Variants in DGCR8 observed in about 807,000 individuals in gnomAD.
DGCR8 encodes the protein DGCR8 microprocessor complex subunit, also known as microprocessor complex subunit DGCR8.
In DGCR8, 14 loss-of-function variants were observed where a neutral mutation model predicts 78.5. The observed-to-expected ratio is 0.18, with a 90% CI of 0.12 to 0.28. The LOEUF (loss-of-function observed/expected upper bound fraction) is 0.28, where lower values mean the gene tolerates loss of function less well. DGCR8 is among the 10% of genes least tolerant of loss of function. The pLI is 1.00. For synonymous variants in DGCR8, 399 were observed against 402.4 expected (o/e 0.99, Z 0.10); for missense variants, 702 against 1,022.5 (o/e 0.69, Z 4.28).
intron 9 of DGCR8, 38 bp downstream of exon 9, chr22:20,094,833 T>C: frequency 6.3e-7 from 1 of 1,584,552 alleles, no homozygotes; most frequent in South Asian, 1.1e-5. Context: ...GAGCTGTGTG[T>C]GCAGTGCGGC....
At chr22:20,084,425 C>T (rs1166407284) in intron 1 of DGCR8, among the ~76,000 whole-genome samples, 1 of 152,212 alleles carries the variant, frequency 6.6e-6, no homozygotes, top group Non-Finnish European at 1.5e-5. Context: ...TTTCTGGCTG[C>T]CCCCTCAGAC....
In DGCR8 at chr22:20,085,997, T is replaced by C. The variant is rs2049477398; in HGVS notation, c.34T>C (p.Cys12Arg). Residue 12 changes from cysteine to arginine, a missense_variant, in exon 2 of 14, where the codon TGT becomes CGT. Physicochemically the swap from Cys to Arg is radical, Grantham distance 180. Around this residue, in one of 4 missense-constraint regions of DGCR8, gnomAD observed 356 missense variants for 448.9 expected, o/e 0.79. Transcript: ENST00000351989. This position sits in a 1 kb window ranked among gnomAD's most constrained non-coding sequence, Gnocchi z 6.2. ...ETDESPSPLP[C>R]GPAGEAVMES... ...AGATGAGAGCCCCTCTCCGCTCCCG[T>C]GTGGGCCCGCAGGAGAAGCGGTGAT... 4 of 1,608,404 alleles carry C rather than the reference T, an allele frequency of 2.5e-6. No individual in the cohort carries two copies. The highest frequency in any genetic ancestry group is 3.4e-6 in the Non-Finnish European group (4 of 1,176,664).
chr22:20,091,075 A>G (rs922344067), intron 5 of DGCR8, among the ~76,000 whole-genome samples: 9 of 152,154 alleles, frequency 5.9e-5, no homozygotes, highest in African/African-American at 2.2e-4. Flanking sequence ...AGGTGGTCAG[A>G]GAGGTGGCGG....
chr22:20,090,753 A>C (rs2049546970), intron 5 of DGCR8, among the ~76,000 whole-genome samples: 1 of 152,132 alleles, frequency 6.6e-6, no homozygotes, highest in Non-Finnish European at 1.5e-5. Context: ...CATGTCTTTT[A>C]GCCTAGTCCC....
chr22:20,101,921 T>C (rs1172490568), intron 9 of DGCR8: 34 of 985,200 alleles, frequency 3.5e-5, no homozygotes, highest in Middle Eastern at 1.0e-3. Context: ...TGAGGTGTGG[T>C]GGCCACGCGT....
At chr22:20,093,004 GATGTGGGTGGGGC>G in intron 8 of DGCR8, 97 bp downstream of exon 8, 1 of 811,116 alleles carries the variant, frequency 1.2e-6, no homozygotes, top group Non-Finnish European at 2.0e-6. Context: ...ACAAGTGGGG[GATGTGGGTGGGGC>G]ATGTTTATTT....
In DGCR8 at chr22:20,089,964, C is replaced by G. The variant is rs1396181400; in HGVS notation, c.1024-12C>G. The G allele has an allele frequency of 3.1e-6, 5 of 1,598,856 alleles. No individual in the cohort carries two copies. The highest frequency in any genetic ancestry group is 4.3e-6 in the Non-Finnish European group (5 of 1,171,270). On this transcript the variant is annotated splice_polypyrimidine_tract_variant and intron_variant, in intron 4 of 13. Transcript: ENST00000351989. This position sits in a 1 kb window ranked among gnomAD's most constrained non-coding sequence, Gnocchi z 4.9. Reference sequence around the variant, plus strand: ...GTCCTTGTAATCCATATTGCAATTTCACTATCCACAGAAACACGACCCTCC... The same window carrying G: ...GTCCTTGTAATCCATATTGCAATTTGACTATCCACAGAAACACGACCCTCC...
chr22:20,084,903 G>C, intron 1 of DGCR8: 1 of 894,996 alleles, frequency 1.1e-6, no homozygotes, highest in Non-Finnish European at 1.3e-6. Flanking sequence ...GAACCTACTT[G>C]TGGCATGAGA....
intron 9 of DGCR8, chr22:20,101,886 G>A (rs978951691): frequency 1.0e-6 from 1 of 985,354 alleles, no homozygotes; most frequent in Non-Finnish European, 1.2e-6. Context: ...GGGTTGACAT[G>A]TCAGGAGGGG....
intron 5 of DGCR8, among the ~76,000 whole-genome samples, 158 bp from the exon 6 acceptor site, chr22:20,091,277 G>A (rs2049556160): frequency 6.6e-6 from 1 of 152,250 alleles, no homozygotes; most frequent in Non-Finnish European, 1.5e-5. Context: ...CTGAGCTGGT[G>A]TAGGGAGGCC....
intron 9 of DGCR8, chr22:20,102,080 CTTT>C (rs373573043): frequency 1.2e-6 from 1 of 815,590 alleles, no homozygotes. Context: ...CAAGTGTTTT[CTTT>C]TTTTTTTTTC....
chr22:20,086,822 T>TA lies in DGCR8; in HGVS notation c.720+141dup, dbSNP rs1199344045. On this transcript the variant is annotated intron_variant, in intron 2 of 13. Transcript: ENST00000351989. This position sits in a 1 kb window ranked among gnomAD's most constrained non-coding sequence, Gnocchi z 6.4. ...AATCCCCTCTGAGGTGGAATAATGT[T>TA]AATGTGGAGAAGAGAAAGATGTAAG... The TA allele has an allele frequency of 1.9e-6, 2 of 1,058,668 alleles. No homozygotes were observed. The highest frequency in any genetic ancestry group is 2.7e-6 in the Non-Finnish European group (2 of 744,494). 65.6% of individuals were successfully genotyped at this position (1,058,668 alleles called of 1,614,324 possible).
At position 20,089,943 on chromosome 22, in the gene DGCR8, T is replaced by C; in HGVS notation, c.1024-33T>C. 1 of 1,592,318 alleles carries C rather than the reference T, an allele frequency of 6.3e-7. No homozygotes were observed. The highest frequency in any genetic ancestry group is 8.6e-7 in the Non-Finnish European group (1 of 1,167,480). ...AGAGTTTCAGACTCTCGGGTTGTCC[T>C]TGTAATCCATATTGCAATTTCACTA... On this transcript the variant is annotated intron_variant, in intron 4 of 13. Coordinates refer to ENST00000351989, the MANE Select transcript of DGCR8 (RefSeq NM_022720.7). The surrounding 1 kb of genome is among the most constrained non-coding windows in gnomAD (Gnocchi z 4.9).
Position 20,089,866 on chromosome 22 carries a change from G to A in DGCR8, c.1023+55G>A, listed in dbSNP as rs1314634676. 6.2e-7 allele frequency: 1 copy of A among 1,606,280 alleles called. No homozygotes were observed. The highest frequency in any genetic ancestry group is 8.5e-7 in the Non-Finnish European group (1 of 1,175,130). ...CTTGTAAGTTCTCAGACCAAAACGT[G>A]CACATCCACACACATGGCACCGCAG... On this transcript the variant is annotated intron_variant, in intron 4 of 13. Transcript: ENST00000351989. The surrounding 1 kb of genome is among the most constrained non-coding windows in gnomAD (Gnocchi z 4.9).
In DGCR8 at chr22:20,085,653, C is replaced by A; in HGVS notation, c.-277-34C>A. ...TACCAGGGAATTGGAAGGTTTCTGT[C>A]ATTTTGTGACGATATTTTTAAATTT... On this transcript the variant is annotated intron_variant, in intron 1 of 13. Transcript: ENST00000351989. This position sits in a 1 kb window ranked among gnomAD's most constrained non-coding sequence, Gnocchi z 6.2. 7.8e-7 allele frequency: 1 copy of A among 1,284,874 alleles called. No individual in the cohort carries two copies. Among genetic ancestry groups the A allele is most frequent in the South Asian group, 3.0e-5 (1 of 33,292 alleles). The allele number at this position is 1,284,874 out of a possible 1,614,324, so 79.6% of individuals were successfully genotyped here.
Position 20,111,780 on chromosome 22 carries a change from C to A in DGCR8, c.*1672C>A. On this transcript the variant is annotated 3_prime_UTR_variant, in exon 14 of 14. Transcript: ENST00000351989. ...ACACAGCCATGCTTCAAGGCCGGGG[C>A]AGGGGAGCCTGTGCTGATGCCATCC... is the stretch of plus-strand genomic sequence containing the variant. The A allele has an allele frequency of 4.6e-6, 1 of 215,454 alleles. No individual in the cohort carries two copies. The highest frequency in any genetic ancestry group is 8.7e-6 in the Non-Finnish European group (1 of 114,446). 13.3% of individuals were successfully genotyped at this position (215,454 alleles called of 1,614,324 possible). A position where few individuals can be genotyped will look rare whatever the true frequency, so the allele number is the denominator to read the frequency against.
chr22:20,081,846 CTCTT>C (rs1163560976), intron 1 of DGCR8, among the ~76,000 whole-genome samples: 4 of 152,178 alleles, frequency 2.6e-5, no homozygotes, highest in Non-Finnish European at 4.4e-5. Flanking sequence ...TTTGATTCCT[CTCTT>C]TCTTACACCT....
intron 1 of DGCR8, among the ~76,000 whole-genome samples, chr22:20,082,058 T>G (rs2049424680): frequency 6.6e-6 from 1 of 151,120 alleles, no homozygotes; most frequent in African/African-American, 2.4e-5. Flanking sequence ...TTTCTTTTTT[T>G]TTTTTTTTGT....
chr22:20,108,649 G>A (rs7364132), intron 12 of DGCR8: 8,357 of 389,390 alleles, frequency 0.021, 621 homozygotes, highest in African/African-American at 0.16. Flanking sequence ...GTGGCGTGGT[G>A]TGGGCAGAAA....
Sources: gnomAD v4.1 joint callset for allele counts (sites outside exome capture counted in the v4.1 genomes callset) on GRCh38, gnomAD v4.1.1 for gene constraint, gnomAD v4.1.1 regional missense constraint, Gnocchi (gnomAD v3.1) non-coding constraint, MANE v1.5 for transcripts, NCBI Gene and HGNC (gene_info 2026-07-23, HGNC 2026-07-21) for gene names.